Variants in GNL2 observed in about 807,000 individuals in gnomAD.
The protein encoded by GNL2 is nucleolar GTP-binding protein 2.
GNL2 carries 51 observed loss-of-function variants against 92.3 expected under a neutral mutation model. The observed-to-expected ratio is 0.55, with a 90% CI of 0.44 to 0.70. The LOEUF is 0.70. Among genes scored for constraint, GNL2 ranks in the 30% least tolerant of loss-of-function variants. GNL2 has a pLI of 0.00. For synonymous variants in GNL2, 283 were observed against 300.6 expected, an observed-to-expected ratio of 0.94 and a Z score of 0.61; for missense variants, 844 against 895.6, an observed-to-expected ratio of 0.94 and a Z score of 0.74.
rs1407208408 is a variant in GNL2 at position 37,568,852 on chromosome 1, T to A, written c.1867A>T (p.Arg623Ter). Residue 623 changes from arginine (R) to a stop codon, truncating the protein, a stop_gained and splice_region_variant, in exon 13 of 16, where the codon AGA (arginine) becomes TGA (stop). Transcript: ENST00000373062. LOFTEE classifies it high-confidence loss of function. Reference protein sequence around the residue: ...KAKAKKFSAVRISKGLSEKIF... With the variant: ...KAKAKKFSAV ...TTTGTGAGAAGATGAAAATATTACC[T>A]GACTGCTGAAAACTTTTTGGCTTTG... is the stretch of plus-strand genomic sequence containing the variant. 1 of 1,608,110 alleles carries A rather than the reference T, an allele frequency of 6.2e-7. No homozygotes were observed. Among genetic ancestry groups the A allele is most frequent in the African/African-American group, 1.3e-5 (1 of 74,604 alleles).
At chr1:37,579,256 C>T (rs759806708) in intron 8 of GNL2, among the ~76,000 whole-genome samples, 10 of 152,058 alleles carry the variant, frequency 6.6e-5, no homozygotes, top group Non-Finnish European at 1.2e-4. Context: ...ATGATCAAAA[C>T]AAGGAAAGTG....
intron 5 of GNL2, among the ~76,000 whole-genome samples, chr1:37,586,113 A>G (rs756465979): frequency 6.6e-6 from 1 of 152,218 alleles, no homozygotes; most frequent in Non-Finnish European, 1.5e-5. Flanking sequence ...GACTGGCCAT[A>G]ACAAACAAAA....
chr1:37,590,713 CG>C lies in GNL2; in HGVS notation c.376del (p.Arg126GlyfsTer5). ...LPMSLLHDRI[R>X]PHNLKVHILD... ...GGATATCCTACATCTTACATGAGGC[CG>C]GATTCGATCATGGAGAAGAGACATT... On this transcript the variant is annotated frameshift_variant, in exon 4 of 16. Transcript: ENST00000373062. LOFTEE classifies it high-confidence loss of function. 6.2e-7 allele frequency: 1 copy of C among 1,613,140 alleles called. No individual in the cohort carries two copies.
At position 37,568,839 on chromosome 1, in the gene GNL2, T is replaced by G; in HGVS notation, c.1868+12A>C. 6.3e-7 allele frequency: 1 copy of G among 1,598,882 alleles called. No homozygotes were observed. The highest frequency in any genetic ancestry group is 8.5e-7 in the Non-Finnish European group (1 of 1,170,112). On this transcript the variant is annotated intron_variant, in intron 13 of 15. Transcript: ENST00000373062. ...TGAAAATCTGCAATTTGTGAGAAGA[T>G]GAAAATATTACCTGACTGCTGAAAA...
At chr1:37,578,640 C>T (rs1420664093) in intron 8 of GNL2, among the ~76,000 whole-genome samples, 4 of 152,000 alleles carry the variant, frequency 2.6e-5, no homozygotes, top group Admixed American at 2.6e-4. Flanking sequence ...TCTCTGCGGC[C>T]TCTGTCTCCT....
At chr1:37,594,628 A>G (rs1025761089) in intron 1 of GNL2, among the ~76,000 whole-genome samples, 29 of 151,314 alleles carry the variant, frequency 1.9e-4, no homozygotes, top group African/African-American at 7.0e-4. Flanking sequence ...TACAACCTCC[A>G]CCTCCCCGGT....
At chr1:37,594,684 G>C (rs1643910780) in intron 1 of GNL2, among the ~76,000 whole-genome samples, 2 of 152,122 alleles carry the variant, frequency 1.3e-5, no homozygotes, top group Admixed American at 1.3e-4. Flanking sequence ...TGGGATTACG[G>C]GCATCCGCCA....
rs1239199609 is a variant in GNL2 at position 37,590,772 on chromosome 1, T to G, written c.318A>C (p.Pro106=). ...QEEMDTVMKD[P]YKVVMKQSKL... is the part of the protein sequence containing the mutation. ...TGCTTTGCTTCATGACAACTTTGTA[T>G]GGATCCTTCATAACTGTATCCATTT... The change falls in exon 4 of 16, where the codon CCA becomes CCC. Residue 106 remains proline (P), a synonymous_variant. Coordinates refer to ENST00000373062, the MANE Select transcript of GNL2 (RefSeq NM_013285.3). 4 of 1,611,216 alleles carry G rather than the reference T, an allele frequency of 2.5e-6. No individual in the cohort carries two copies. In the South Asian group the frequency reaches 4.4e-5, roughly 18 times the overall value.
At chr1:37,591,582 T>C (rs1370136219) in intron 3 of GNL2, among the ~76,000 whole-genome samples, 3 of 149,768 alleles carry the variant, frequency 2.0e-5, no homozygotes, top group Non-Finnish European at 3.0e-5. Flanking sequence ...CTCAGCTCAC[T>C]GCAACCTCTG....
At chr1:37,587,840 G>C (rs532265735) in intron 4 of GNL2, among the ~76,000 whole-genome samples, 4 of 152,266 alleles carry the variant, frequency 2.6e-5, no homozygotes, top group African/African-American at 9.6e-5. Context: ...GGCTACAGTG[G>C]TGAAAATTAA....
rs764388454 is a variant in GNL2, at chr1:37,582,205, C to T, written c.909+18G>A. 5 of 1,504,300 alleles carry T rather than the reference C, an allele frequency of 3.3e-6. No individual in the cohort carries two copies. The highest frequency in any genetic ancestry group is 4.6e-6 in the Non-Finnish European group (5 of 1,091,380). The allele number at this position is 1,504,300 out of a possible 1,614,324, so 93.2% of individuals were successfully genotyped here. ...CACAGCTACACAACTCCAGGAGAAA[C>T]AGATCAGGGCTCAATACCTTTCCAA... On this transcript the variant is annotated intron_variant, in intron 8 of 15. Transcript: ENST00000373062.
At chr1:37,567,378 A>G (rs1643521337) in intron 15 of GNL2, among the ~76,000 whole-genome samples, 1 of 152,198 alleles carries the variant, frequency 6.6e-6, no homozygotes, top group African/African-American at 2.4e-5. Flanking sequence ...GAAGTCAGTG[A>G]TCTGCCCAAA....
At chr1:37,578,185 T>A (rs1356995865) in intron 8 of GNL2, among the ~76,000 whole-genome samples, 1 of 152,112 alleles carries the variant, frequency 6.6e-6, no homozygotes, top group East Asian at 1.9e-4. Context: ...ATGCCTGTAA[T>A]CCCAGAACTC....
chr1:37,590,251 G>T (rs1447974378), intron 4 of GNL2, among the ~76,000 whole-genome samples: 1 of 152,156 alleles, frequency 6.6e-6, no homozygotes, highest in East Asian at 1.9e-4. Context: ...TGAGATTACA[G>T]GTATGCACCA....
At chr1:37,581,924 A>G (rs757382705) in intron 8 of GNL2, among the ~76,000 whole-genome samples, 8 of 151,420 alleles carry the variant, frequency 5.3e-5, no homozygotes, top group Admixed American at 2.0e-4. Flanking sequence ...CGGCCTCCCA[A>G]AGTGCTGGGA....
At chr1:37,589,003 C>T (rs1334688374) in intron 4 of GNL2, among the ~76,000 whole-genome samples, 1 of 152,228 alleles carries the variant, frequency 6.6e-6, no homozygotes, top group Non-Finnish European at 1.5e-5. Flanking sequence ...ACAACAAGTA[C>T]AGGCAACGAA....
intron 12 of GNL2, among the ~76,000 whole-genome samples, chr1:37,573,451 G>T (rs1407573208): frequency 6.6e-6 from 1 of 152,228 alleles, no homozygotes; most frequent in African/African-American, 2.4e-5. Flanking sequence ...CACTGCCAGG[G>T]TGAGGGAAAT....
In GNL2 at chr1:37,566,854, A is replaced by C; in HGVS notation, c.*1T>G. On this transcript the variant is annotated 3_prime_UTR_variant, in exon 16 of 16. Transcript: ENST00000373062. ...ATAATTTAATAAAAACCTTTTAAAC[A>C]TTACTGCTTTTGTCTGAATTTTTTG... 1 of 1,612,180 alleles carries C rather than the reference A, an allele frequency of 6.2e-7. No homozygotes were observed. Among genetic ancestry groups the C allele is most frequent in the Non-Finnish European group, 8.5e-7 (1 of 1,179,116 alleles).
In GNL2 at chr1:37,584,247, G is replaced by A. The variant is rs930190431; in HGVS notation, c.570-314C>T. ...GCAGACTGCTTGAGCCCAGGAGTTC[G>A]AGACCAGCCTGGGCAACATGGCAAA... is the stretch of plus-strand genomic sequence containing the variant. On this transcript the variant is annotated intron_variant, in intron 5 of 15. Coordinates refer to ENST00000373062, the MANE Select transcript of GNL2 (RefSeq NM_013285.3). Among the ~76,000 whole-genome samples the A allele has an allele frequency of 5.3e-5, 8 of 152,080 alleles. No homozygotes were observed. The East Asian group carries it at 7.8e-4, about 15-fold the overall frequency.
Sources: allele counts gnomAD v4.1 joint callset (sites outside exome capture counted in the v4.1 genomes callset), GRCh38; gene constraint gnomAD v4.1.1; transcripts MANE v1.5; gene names NCBI Gene and HGNC (gene_info 2026-07-23, HGNC 2026-07-21).